The following BABAM2 variants were observed in gnomAD, a reference collection of about 807,000 sequenced individuals.
BABAM2 encodes BRISC and BRCA1 A complex member 2.
BABAM2 carries 31 observed loss-of-function variants against 54.7 expected under a neutral mutation model. That is an observed-to-expected ratio of 0.57 (90% CI 0.43 to 0.77). BABAM2 has a LOEUF of 0.77. Ranked by LOEUF, BABAM2 falls within the 30% of genes least tolerant of loss-of-function variation. The pLI, the probability that BABAM2 is intolerant of heterozygous loss-of-function variation, is 0.00. For synonymous variants in BABAM2, 167 were observed against 162.9 expected (o/e 1.03, Z -0.19); for missense variants, 364 against 455.8 (o/e 0.80, Z 1.83).
chr2:28,059,631 C>T (rs1357960435), intron 6 of BABAM2, among the ~76,000 whole-genome samples: 2 of 152,138 alleles, frequency 1.3e-5, no homozygotes, highest in Non-Finnish European at 2.9e-5. Context: ...GCTGGTATTT[C>T]CAGGACTCTT....
intron 7 of BABAM2, among the ~76,000 whole-genome samples, chr2:28,130,850 G>A (rs535633694): frequency 1.3e-5 from 2 of 151,596 alleles, no homozygotes; most frequent in African/African-American, 4.8e-5. Context: ...AGTGATTCTC[G>A]GGTTTCAGCC....
chr2:27,911,418 G>T (rs193267285), intron 2 of BABAM2, among the ~76,000 whole-genome samples: 1 of 152,212 alleles, frequency 6.6e-6, no homozygotes, highest in African/African-American at 2.4e-5. Context: ...GAAGGTTAGG[G>T]AGGGAAGAAA....
Position 28,298,346 on chromosome 2 carries a change from C to G in BABAM2, c.943C>G (p.Pro315Ala). The G allele has an allele frequency of 6.2e-7, 1 of 1,613,824 alleles. No homozygotes were observed. Among genetic ancestry groups the G allele is most frequent in the Non-Finnish European group, 8.5e-7 (1 of 1,179,886 alleles). Residue 315 changes from proline (P) to alanine (A), a missense_variant, in exon 11 of 12, where the codon CCT (proline) becomes GCT (alanine). Transcript: ENST00000379624. The stretch of plus-strand genomic sequence containing the variant: ...TTCTTCTGTCTTTGCAGTTGACCTG[C>G]CTCTGTTTTTCCCTCGAGACCAGCC... ...DFCFLVHIDL[P>A]LFFPRDQPTL...
chr2:28,098,889 G>A (rs1293677069), intron 6 of BABAM2, among the ~76,000 whole-genome samples: 1 of 152,190 alleles, frequency 6.6e-6, no homozygotes, highest in Non-Finnish European at 1.5e-5. Flanking sequence ...TGAAAGTGGA[G>A]GTAAATGCAG....
intron 5 of BABAM2, among the ~76,000 whole-genome samples, chr2:28,032,401 A>C (rs1381009727): frequency 6.6e-6 from 1 of 152,146 alleles, no homozygotes; most frequent in Admixed American, 6.5e-5. Context: ...TGCGAATTTG[A>C]AATACACTAT....
chr2:28,115,697 T>C (rs1241476120), intron 6 of BABAM2, among the ~76,000 whole-genome samples: 3 of 150,684 alleles, frequency 2.0e-5, no homozygotes, highest in Non-Finnish European at 4.4e-5. Flanking sequence ...AGATTTGGGG[T>C]TGGGGGATGT....
At chr2:28,241,206 G>T in intron 8 of BABAM2, 117 bp from the exon 9 acceptor site, 1 of 928,206 alleles carries the variant, frequency 1.1e-6, no homozygotes. Context: ...TGTAGGTAGT[G>T]GGAATACCGG....
chr2:27,926,284 C>A lies in BABAM2; in HGVS notation c.129-3548C>A, dbSNP rs1310188657. Reference sequence around the variant, plus strand: ...ATTTACTGTGTCCTAATCTTTTGCCCTTCTCTCCCTCATTTACTGTGTCCT... The same window carrying A: ...ATTTACTGTGTCCTAATCTTTTGCCATTCTCTCCCTCATTTACTGTGTCCT... On this transcript the variant is annotated intron_variant, in intron 2 of 11. Coordinates refer to ENST00000379624, the MANE Select transcript of BABAM2 (RefSeq NM_199191.3). 2.0e-5 allele frequency among the ~76,000 whole-genome samples: 3 copies of A among 151,688 alleles called. No individual in the cohort carries two copies. The East Asian group carries it at 5.8e-4, about 29-fold the overall frequency.
At chr2:28,231,998 A>G (rs1026267726) in intron 7 of BABAM2, among the ~76,000 whole-genome samples, 5 of 150,940 alleles carry the variant, frequency 3.3e-5, no homozygotes, top group African/African-American at 1.2e-4. Flanking sequence ...TAGAGATGGG[A>G]TCTCGCTATG....
chr2:28,275,439 A>T (rs1233158635), intron 10 of BABAM2, among the ~76,000 whole-genome samples: 1 of 152,132 alleles, frequency 6.6e-6, no homozygotes, highest in African/African-American at 2.4e-5. Context: ...CATTGTACCT[A>T]TTGCCTAACT....
In BABAM2 at chr2:27,997,572, T is replaced by C. The variant is rs1374255546; in HGVS notation, c.300+9485T>C. Among the ~76,000 whole-genome samples the C allele has an allele frequency of 2.6e-5, 4 of 152,216 alleles. No individual in the cohort carries two copies. The South Asian group carries it at 8.3e-4, about 32-fold the overall frequency. On this transcript the variant is annotated intron_variant, in intron 4 of 11. Coordinates refer to ENST00000379624, the MANE Select transcript of BABAM2 (RefSeq NM_199191.3). ...TTATAGATTAAGAAGAGTATTAATA[T>C]ATACACATATGCATACACATATAAT...
chr2:28,178,978 C>A (rs1675325713), intron 7 of BABAM2, among the ~76,000 whole-genome samples: 1 of 151,906 alleles, frequency 6.6e-6, no homozygotes, highest in African/African-American at 2.4e-5. Flanking sequence ...TAATGAACTA[C>A]AAGATTGAAT....
Position 28,338,610 on chromosome 2 carries a change from C to A in BABAM2, c.*97C>A. The A allele has an allele frequency of 6.9e-7, 1 of 1,441,098 alleles. No homozygotes were observed. Among genetic ancestry groups the A allele is most frequent in the Non-Finnish European group, 9.7e-7 (1 of 1,028,988 alleles). 89.3% of individuals were successfully genotyped at this position (1,441,098 alleles called of 1,614,324 possible). On this transcript the variant is annotated 3_prime_UTR_variant, in exon 12 of 12. Coordinates refer to ENST00000379624, the MANE Select transcript of BABAM2 (RefSeq NM_199191.3). ...CTGGAAGCCGCCTGGAATGTCTTCACGGCAGCGTTTTGCTCACACAGCAGC... is the reference window on the plus strand; with the variant it reads ...CTGGAAGCCGCCTGGAATGTCTTCAAGGCAGCGTTTTGCTCACACAGCAGC...
intron 3 of BABAM2, among the ~76,000 whole-genome samples, chr2:27,950,824 A>G (rs1345037677): frequency 1.3e-5 from 2 of 152,178 alleles, no homozygotes; most frequent in African/African-American, 4.8e-5. Flanking sequence ...AATTTGCTTA[A>G]TAGATTTAGA....
chr2:28,106,609 TTA>T (rs1381645032), intron 6 of BABAM2, among the ~76,000 whole-genome samples: 2 of 152,230 alleles, frequency 1.3e-5, no homozygotes, highest in African/African-American at 2.4e-5. Flanking sequence ...AGAGGTGATG[TTA>T]TATATTTTCA....
intron 4 of BABAM2, among the ~76,000 whole-genome samples, chr2:28,002,258 C>T (rs1308216481): frequency 2.6e-5 from 4 of 152,046 alleles, no homozygotes; most frequent in African/African-American, 9.7e-5. Flanking sequence ...ACACCAAGTT[C>T]CGAAGAAAAG....
intron 6 of BABAM2, among the ~76,000 whole-genome samples, chr2:28,127,314 A>C (rs1267620284): frequency 3.3e-5 from 5 of 152,218 alleles, no homozygotes; most frequent in African/African-American, 4.8e-5. Flanking sequence ...ACCCATGTCA[A>C]ATACTGTTTA....
At chr2:28,151,053 C>T (rs751193887) in intron 7 of BABAM2, among the ~76,000 whole-genome samples, 2 of 152,010 alleles carry the variant, frequency 1.3e-5, no homozygotes, top group African/African-American at 4.8e-5. Context: ...AGATGGTTAT[C>T]GATAGTAGTT....
Position 27,948,877 on chromosome 2 carries a change from A to G in BABAM2, c.205+18969A>G, listed in dbSNP as rs142933256. Among the ~76,000 whole-genome samples, 652 of 152,304 alleles carry G rather than the reference A, an allele frequency of 4.3e-3. 2 individuals are homozygous for G. Among genetic ancestry groups the G allele is most frequent in the African/African-American group, 0.015 (620 of 41,560 alleles). ...ATTAAGTATTAATATTATGTTGGCT[A>G]TGTATTTTTCAGAGATGCCCTTTAT... On this transcript the variant is annotated intron_variant, in intron 3 of 11. Coordinates refer to ENST00000379624, the MANE Select transcript of BABAM2 (RefSeq NM_199191.3).
Sources: gnomAD v4.1 joint callset for allele counts (sites outside exome capture counted in the v4.1 genomes callset) on GRCh38, gnomAD v4.1.1 for gene constraint, MANE v1.5 for transcripts, NCBI Gene and HGNC (gene_info 2026-07-23, HGNC 2026-07-21) for gene names.